The following FCHSD2 variants were observed in gnomAD, a reference collection of about 807,000 sequenced individuals.
FCHSD2 encodes F-BAR and double SH3 domains protein 2.
FCHSD2 carries 38 observed loss-of-function variants against 108.1 expected under a neutral mutation model. The observed-to-expected ratio is 0.35, with a 90% CI of 0.27 to 0.46. FCHSD2 has a LOEUF of 0.46. Among genes scored for constraint, FCHSD2 ranks in the 20% least tolerant of loss-of-function variants. FCHSD2 has a pLI of 1.00. For missense variants in FCHSD2, 751 were observed against 897.8 expected (o/e 0.84, Z 2.09); for synonymous variants, 279 against 314.7 (o/e 0.89, Z 1.20).
At chr11:72,922,890 C>T (rs370616838) in intron 8 of FCHSD2, among the ~76,000 whole-genome samples, 26 of 152,198 alleles carry the variant, frequency 1.7e-4, no homozygotes, top group African/African-American at 5.1e-4. Flanking sequence ...TTATCTAATT[C>T]CAGAACATTT....
In FCHSD2 at chr11:73,099,603, A is replaced by G. The variant is rs114409985; in HGVS notation, c.120-15863T>C. Among the ~76,000 whole-genome samples the G allele has an allele frequency of 3.6e-3, 549 of 152,364 alleles. 2 individuals carry two copies. Among genetic ancestry groups the G allele is most frequent in the African/African-American group, 0.013 (521 of 41,590 alleles). ...AAAATGTGGTATATACATACAACCGAGTATTATCCAGTCACAAATGCAGTA... is the reference window on the plus strand; with the variant it reads ...AAAATGTGGTATATACATACAACCGGGTATTATCCAGTCACAAATGCAGTA... On this transcript the variant is annotated intron_variant, in intron 2 of 19. Transcript: ENST00000409418.
intron 3 of FCHSD2, among the ~76,000 whole-genome samples, chr11:73,021,024 A>G (rs1158283575): frequency 1.3e-5 from 2 of 151,996 alleles, no homozygotes; most frequent in Non-Finnish European, 2.9e-5. Context: ...CTGCAGGTGC[A>G]TGCCACTGCG....
chr11:72,923,653 G>A (rs949403985), intron 8 of FCHSD2, among the ~76,000 whole-genome samples: 2 of 151,988 alleles, frequency 1.3e-5, no homozygotes, highest in Admixed American at 1.3e-4. Context: ...TTTAAATTAG[G>A]TTGTCAGGTT....
At chr11:72,909,706 G>A (rs1855714351) in intron 9 of FCHSD2, among the ~76,000 whole-genome samples, 1 of 150,884 alleles carries the variant, frequency 6.6e-6, no homozygotes, top group African/African-American at 2.4e-5. Flanking sequence ...GGGATGTGAG[G>A]AGCGCCTCTG....
chr11:72,978,854 CTTTTTT>C (rs1190277188), intron 8 of FCHSD2, among the ~76,000 whole-genome samples: 14 of 110,880 alleles, frequency 1.3e-4, no homozygotes, highest in Non-Finnish European at 1.9e-4. Flanking sequence ...GTAGCTCTTT[CTTTTTT>C]TTTTTTTTTT....
intron 2 of FCHSD2, among the ~76,000 whole-genome samples, chr11:73,129,397 C>A (rs893201263): frequency 6.6e-6 from 1 of 152,164 alleles, no homozygotes; most frequent in Admixed American, 6.5e-5. Context: ...CTTACAGCCG[C>A]CCCCGCATTG....
At chr11:73,095,983 A>G (rs1860063921) in intron 2 of FCHSD2, among the ~76,000 whole-genome samples, 1 of 152,140 alleles carries the variant, frequency 6.6e-6, no homozygotes. Context: ...CACAACCCTG[A>G]GCTACCAACA....
chr11:72,931,124 C>T (rs887176100), intron 8 of FCHSD2, among the ~76,000 whole-genome samples: 8 of 147,710 alleles, frequency 5.4e-5, no homozygotes, highest in Admixed American at 1.4e-4. Flanking sequence ...GAAAAGGAGT[C>T]GCGCTGTGTC....
At chr11:72,900,152 T>C (rs1855497677) in intron 10 of FCHSD2, 1 of 664,754 alleles carries the variant, frequency 1.5e-6, no homozygotes, top group Non-Finnish European at 2.5e-6. Flanking sequence ...GGGCCTCTTA[T>C]ACATGTATAT....
intron 2 of FCHSD2, among the ~76,000 whole-genome samples, chr11:73,118,731 C>T (rs550568010): frequency 2.0e-5 from 3 of 152,180 alleles, no homozygotes; most frequent in South Asian, 4.1e-4. Context: ...ATGGCAAACA[C>T]TAACTGAGCC....
intron 8 of FCHSD2, among the ~76,000 whole-genome samples, chr11:72,932,162 T>C (rs1856206729): frequency 6.6e-6 from 1 of 152,194 alleles, no homozygotes; most frequent in South Asian, 2.1e-4. Context: ...TTACCAAATC[T>C]TATTGATTCC....
chr11:72,888,234 A>T (rs1855239079), intron 11 of FCHSD2, among the ~76,000 whole-genome samples: 1 of 152,246 alleles, frequency 6.6e-6, no homozygotes, highest in African/African-American at 2.4e-5. Context: ...AGCCAGGACA[A>T]TGTTGAATCG....
intron 8 of FCHSD2, among the ~76,000 whole-genome samples, chr11:72,939,111 A>G (rs1228933651): frequency 6.6e-6 from 1 of 152,202 alleles, no homozygotes; most frequent in Non-Finnish European, 1.5e-5. Flanking sequence ...AGCCTATGAA[A>G]AAAAGAATCT....
rs1014364095 is a variant in FCHSD2 at position 72,837,355 on chromosome 11, G to A, written c.*1436C>T. 1.3e-5 allele frequency: 2 copies of A among 152,478 alleles called. No individual in the cohort carries two copies. Among genetic ancestry groups the A allele is most frequent in the Non-Finnish European group, 1.5e-5 (1 of 68,012 alleles). The allele number at this position is 152,478 out of a possible 1,614,324, so 9.4% of individuals were successfully genotyped here. A position where few individuals can be genotyped will look rare whatever the true frequency, so the allele number is the denominator to read the frequency against. On this transcript the variant is annotated 3_prime_UTR_variant, in exon 20 of 20. Coordinates refer to ENST00000409418, the MANE Select transcript of FCHSD2 (RefSeq NM_014824.3). ...TTACTTTTGGTCAAAAATCCCATGGGGACATTTGGCGAGCATTTCAAGTTT... is the reference window on the plus strand; with the variant it reads ...TTACTTTTGGTCAAAAATCCCATGGAGACATTTGGCGAGCATTTCAAGTTT...
intron 2 of FCHSD2, among the ~76,000 whole-genome samples, chr11:73,100,963 G>A (rs1426603106): frequency 1.3e-5 from 2 of 150,906 alleles, no homozygotes; most frequent in African/African-American, 2.4e-5. Flanking sequence ...ACAGACCCTT[G>A]TTTTTTACCA....
At chr11:73,048,276 G>C (rs78197229) in intron 3 of FCHSD2, among the ~76,000 whole-genome samples, 1 of 152,020 alleles carries the variant, frequency 6.6e-6, no homozygotes, top group Non-Finnish European at 1.5e-5. Flanking sequence ...GCCATGTACC[G>C]ACACACATAT....
intron 8 of FCHSD2, among the ~76,000 whole-genome samples, chr11:72,945,839 CAAT>C (rs1286036707): frequency 6.6e-6 from 1 of 152,174 alleles, no homozygotes; most frequent in African/African-American, 2.4e-5. Context: ...ATCAAAACCA[CAAT>C]GAGATACCAT....
chr11:72,901,281 C>T (rs900754825), intron 10 of FCHSD2, among the ~76,000 whole-genome samples: 1 of 136,916 alleles, frequency 7.3e-6, no homozygotes, highest in African/African-American at 2.8e-5. Context: ...CCTGTGGCCC[C>T]AGCTAATCGG....
At chr11:72,985,421 C>A (rs921387231) in intron 6 of FCHSD2, among the ~76,000 whole-genome samples, 50 of 143,182 alleles carry the variant, frequency 3.5e-4, no homozygotes, top group African/African-American at 1.1e-3. Flanking sequence ...TCCTAATAAA[C>A]AAGAGCCATC....
Sources: allele counts gnomAD v4.1 joint callset (sites outside exome capture counted in the v4.1 genomes callset), GRCh38; gene constraint gnomAD v4.1.1; transcripts MANE v1.5; gene names NCBI Gene and HGNC (gene_info 2026-07-23, HGNC 2026-07-21).